The following IL1RAPL1 variants were observed in gnomAD, a reference collection of about 807,000 sequenced individuals.
IL1RAPL1 encodes the protein interleukin 1 receptor accessory protein like 1.
Under a neutral mutation model 48.4 loss-of-function variants are expected in IL1RAPL1, and 3 were observed. The ratio of observed to expected loss-of-function variants is 0.06; its 90% CI spans 0.03 to 0.16. The LOEUF (loss-of-function observed/expected upper bound fraction) is 0.16, where lower values mean the gene tolerates loss of function less well. Ranked by LOEUF, IL1RAPL1 falls within the 10% of genes least tolerant of loss-of-function variation. The pLI is 1.00. For missense variants in IL1RAPL1, 349 were observed against 530.6 expected (o/e 0.66, Z 3.36); for synonymous variants, 185 against 187.7 (o/e 0.99, Z 0.12).
intron 6 of IL1RAPL1, among the ~76,000 whole-genome samples, chrX:29,855,008 C>T (rs1483296817): frequency 1.8e-5 from 2 of 111,465 alleles, no homozygotes; most frequent in African/African-American, 3.3e-5. Flanking sequence ...TATCTGTCTT[C>T]GTAAATTATA....
At chrX:28,673,272 C>T (rs1055735272) in intron 1 of IL1RAPL1, among the ~76,000 whole-genome samples, 1 of 111,750 alleles carries the variant, frequency 8.9e-6, no homozygotes, top group Non-Finnish European at 1.9e-5. Context: ...ATGAATGGTG[C>T]TGGGATAACT....
At chrX:29,587,431 TA>T (rs1923214524) in intron 5 of IL1RAPL1, among the ~76,000 whole-genome samples, 1 of 110,243 alleles carries the variant, frequency 9.1e-6, no homozygotes, top group Non-Finnish European at 1.9e-5. Context: ...AAATTTCAAT[TA>T]GATAGGAAGA....
At chrX:29,031,819 A>G (rs768926281) in intron 2 of IL1RAPL1, among the ~76,000 whole-genome samples, 4 of 111,544 alleles carry the variant, frequency 3.6e-5, no homozygotes, top group Non-Finnish European at 7.5e-5. Flanking sequence ...GCCACAAGTG[A>G]CTTTTGTTTA....
At chrX:28,622,023 G>C (rs1934289972) in intron 1 of IL1RAPL1, among the ~76,000 whole-genome samples, 1 of 111,161 alleles carries the variant, frequency 9.0e-6, no homozygotes, top group Non-Finnish European at 1.9e-5. Flanking sequence ...GCTTTCTTTT[G>C]CCAGTCTTGC....
intron 5 of IL1RAPL1, among the ~76,000 whole-genome samples, chrX:29,592,692 G>A (rs1923415220): frequency 8.9e-6 from 1 of 111,816 alleles, no homozygotes; most frequent in Non-Finnish European, 1.9e-5. Context: ...TTCCCTATAT[G>A]AATAATGCCT....
At chrX:29,433,076 T>C (rs911932388) in intron 5 of IL1RAPL1, among the ~76,000 whole-genome samples, 4 of 110,523 alleles carry the variant, frequency 3.6e-5, no homozygotes, top group Non-Finnish European at 5.7e-5. Flanking sequence ...TGTCTGTTTA[T>C]GTACTGCTGC....
At position 28,841,741 on chromosome X, in the gene IL1RAPL1, A is replaced by T. The variant is rs1339628170; in HGVS notation, c.82+52316A>T. 5.0e-4 allele frequency among the ~76,000 whole-genome samples: 55 copies of T among 110,869 alleles called. 1 individual carries two copies. The highest frequency in any genetic ancestry group is 7.6e-5 in the Non-Finnish European group (4 of 52,583). Reference sequence around the variant, plus strand: ...CACATTTTTTTTTCTATAACAAACAAAAGGCCAAGTCTGGAATCATTGGTT... The same window carrying T: ...CACATTTTTTTTTCTATAACAAACATAAGGCCAAGTCTGGAATCATTGGTT... On this transcript the variant is annotated intron_variant, in intron 2 of 10. Coordinates refer to ENST00000378993, the MANE Select transcript of IL1RAPL1 (RefSeq NM_014271.4).
chrX:28,848,672 G>A (rs1441030435), intron 2 of IL1RAPL1, among the ~76,000 whole-genome samples: 7 of 111,411 alleles, frequency 6.3e-5, no homozygotes, highest in Non-Finnish European at 1.3e-4. Flanking sequence ...ACTTTGGTTT[G>A]ACCTTTACAG....
chrX:29,752,076 G>GTA (rs200322927), intron 6 of IL1RAPL1, among the ~76,000 whole-genome samples: 208 of 89,432 alleles, frequency 2.3e-3, no homozygotes, highest in East Asian at 0.016. Context: ...ATATATGTGT[G>GTA]TATGTATATA....
At chrX:28,656,653 C>G (rs1934750423) in intron 1 of IL1RAPL1, among the ~76,000 whole-genome samples, 1 of 111,808 alleles carries the variant, frequency 8.9e-6, no homozygotes, top group Non-Finnish European at 1.9e-5. Context: ...TCGGTGACCT[C>G]TTCATTTAGA....
chrX:29,106,864 TTTTG>T (rs748107076), intron 2 of IL1RAPL1, among the ~76,000 whole-genome samples: 1 of 111,478 alleles, frequency 9.0e-6, no homozygotes, highest in African/African-American at 3.2e-5. Flanking sequence ...TTCTTTGATT[TTTTG>T]TTTGTTTGTT....
At chrX:29,235,671 G>T (rs941809220) in intron 2 of IL1RAPL1, among the ~76,000 whole-genome samples, 4 of 111,787 alleles carry the variant, frequency 3.6e-5, no homozygotes, top group African/African-American at 1.3e-4. Context: ...AAAACAACTT[G>T]CAAAATTTCA....
intron 6 of IL1RAPL1, among the ~76,000 whole-genome samples, chrX:29,727,053 G>A (rs1305494848): frequency 9.0e-6 from 1 of 111,487 alleles, no homozygotes; most frequent in Admixed American, 9.5e-5. Flanking sequence ...CTAAATAACT[G>A]TTGTCACTGC....
At chrX:29,029,285 G>A in intron 2 of IL1RAPL1, among the ~76,000 whole-genome samples, 1 of 110,976 alleles carries the variant, frequency 9.0e-6, no homozygotes, top group Non-Finnish European at 1.9e-5. Context: ...GTGGGGTCAT[G>A]TTTATCACTG....
intron 2 of IL1RAPL1, among the ~76,000 whole-genome samples, chrX:28,847,694 A>G (rs1921547198): frequency 9.0e-6 from 1 of 111,205 alleles, no homozygotes; most frequent in African/African-American, 3.3e-5. Flanking sequence ...CAGCTATCTC[A>G]TGAGTCATTC....
chrX:28,628,421 C>T (rs1934364655), intron 1 of IL1RAPL1, among the ~76,000 whole-genome samples: 1 of 112,136 alleles, frequency 8.9e-6, no homozygotes, highest in African/African-American at 3.2e-5. Flanking sequence ...TGCACTTAAC[C>T]TTCTCCCATG....
At chrX:29,663,495 A>G (rs1415729310) in intron 5 of IL1RAPL1, among the ~76,000 whole-genome samples, 3 of 112,196 alleles carry the variant, frequency 2.7e-5, no homozygotes, top group Non-Finnish European at 5.6e-5. Context: ...CTAAATTAGT[A>G]CTGACTATTT....
intron 1 of IL1RAPL1, among the ~76,000 whole-genome samples, chrX:28,729,974 A>C (rs183823362): frequency 3.0e-4 from 34 of 111,627 alleles, no homozygotes; most frequent in African/African-American, 5.8e-4. Flanking sequence ...AAAACAAAAC[A>C]AAAAAAATTA....
chrX:29,630,760 G>A (rs911234812), intron 5 of IL1RAPL1, among the ~76,000 whole-genome samples: 41 of 111,651 alleles, frequency 3.7e-4, no homozygotes, highest in African/African-American at 1.3e-3. Context: ...GGATGGCCTC[G>A]ATCTCCTGAC....
Sources: gnomAD v4.1 joint callset for allele counts (sites outside exome capture counted in the v4.1 genomes callset) on GRCh38, gnomAD v4.1.1 for gene constraint, MANE v1.5 for transcripts, NCBI Gene and HGNC (gene_info 2026-07-23, HGNC 2026-07-21) for gene names.